Variants in CD38 observed in about 807,000 individuals in gnomAD.
The protein encoded by CD38 is ADP-ribosyl cyclase/cyclic ADP-ribose hydrolase 1.
CD38 carries 31 observed loss-of-function variants against 36.3 expected under a neutral mutation model. The ratio of observed to expected loss-of-function variants is 0.85; its 90% CI spans 0.64 to 1.15. The LOEUF is 1.15. Among genes scored for constraint, CD38 ranks in the 50% most tolerant of loss-of-function variants. The pLI, the probability that CD38 is intolerant of heterozygous loss-of-function variation, is 0.00. For missense variants in CD38, 380 were observed against 371.9 expected (o/e 1.02, Z -0.18); for synonymous variants, 131 against 135.2 (o/e 0.97, Z 0.22).
chr4:15,797,900 T>G (rs778790778), intron 1 of CD38, among the ~76,000 whole-genome samples: 4 of 152,172 alleles, frequency 2.6e-5, no homozygotes, highest in Non-Finnish European at 4.4e-5. Flanking sequence ...TGTAAAACCT[T>G]ATTTCCAAAT....
At chr4:15,794,663 A>C (rs1424351368) in intron 1 of CD38, among the ~76,000 whole-genome samples, 3 of 152,140 alleles carry the variant, frequency 2.0e-5, no homozygotes, top group East Asian at 1.9e-4. Flanking sequence ...GAGGAATTAG[A>C]GATTGTTGTG....
intron 2 of CD38, among the ~76,000 whole-genome samples, chr4:15,824,549 C>T (rs77915887): frequency 6.6e-6 from 1 of 151,874 alleles, no homozygotes; most frequent in Non-Finnish European, 1.5e-5. Context: ...TGGAGATAAC[C>T]TTAGGAATAT....
chr4:15,780,530 ACACAC>A, intron 1 of CD38, among the ~76,000 whole-genome samples: 1 of 36,938 alleles, frequency 2.7e-5, no homozygotes, highest in East Asian at 4.7e-4. Context: ...ACACACACAC[ACACAC>A]ACACACACAC....
intron 2 of CD38, among the ~76,000 whole-genome samples, chr4:15,818,853 G>T (rs1723669215): frequency 1.3e-5 from 2 of 152,164 alleles, no homozygotes; most frequent in African/African-American, 4.8e-5. Context: ...CCATCCAAAG[G>T]TCAGTAGCCT....
At chr4:15,804,394 AC>A (rs1300975415) in intron 1 of CD38, among the ~76,000 whole-genome samples, 4 of 152,208 alleles carry the variant, frequency 2.6e-5, no homozygotes, top group African/African-American at 9.6e-5. Flanking sequence ...AAATAGAACT[AC>A]CATATGATCC....
At chr4:15,795,212 T>A (rs994691359) in intron 1 of CD38, among the ~76,000 whole-genome samples, 1 of 151,976 alleles carries the variant, frequency 6.6e-6, no homozygotes, top group African/African-American at 2.4e-5. Context: ...AATCAAGAAT[T>A]AGTTTCGTGT....
intron 3 of CD38, among the ~76,000 whole-genome samples, chr4:15,831,849 T>G (rs1321694628): frequency 1.3e-5 from 2 of 152,226 alleles, no homozygotes; most frequent in African/African-American, 4.8e-5. Context: ...CAAAGTTCTC[T>G]GTTATTATTG....
chr4:15,806,463 A>G (rs1172071907), intron 1 of CD38, among the ~76,000 whole-genome samples: 1 of 152,218 alleles, frequency 6.6e-6, no homozygotes, highest in Non-Finnish European at 1.5e-5. Flanking sequence ...CTTTATTTCT[A>G]AAACAGGGAA....
chr4:15,821,698 A>C (rs949240817), intron 2 of CD38, among the ~76,000 whole-genome samples: 106 of 150,160 alleles, frequency 7.1e-4, no homozygotes, highest in African/African-American at 2.3e-3. Flanking sequence ...ACCAACCAAA[A>C]AAAAAAAAAA....
chr4:15,789,901 T>G (rs1722920860), intron 1 of CD38, among the ~76,000 whole-genome samples: 1 of 152,162 alleles, frequency 6.6e-6, no homozygotes. Context: ...CTTTAAGGAA[T>G]AAATTCATTT....
chr4:15,810,481 C>T (rs1218767457), intron 1 of CD38, among the ~76,000 whole-genome samples: 1 of 152,006 alleles, frequency 6.6e-6, no homozygotes, highest in Non-Finnish European at 1.5e-5. Flanking sequence ...CAGGAAGTTC[C>T]CAAGAAGGCC....
At chr4:15,784,094 G>T (rs937052560) in intron 1 of CD38, among the ~76,000 whole-genome samples, 1 of 152,208 alleles carries the variant, frequency 6.6e-6, no homozygotes, top group African/African-American at 2.4e-5. Flanking sequence ...ATGAAAAAGA[G>T]GCCTGTACAC....
intron 1 of CD38, among the ~76,000 whole-genome samples, chr4:15,793,596 TCAAAATA>T (rs1186792234): frequency 8.5e-5 from 13 of 152,202 alleles, no homozygotes; most frequent in African/African-American, 2.2e-4. Flanking sequence ...TGATGTGTAG[TCAAAATA>T]CTATGTACCA....
chr4:15,833,802 G>T (rs1724008267), intron 3 of CD38, among the ~76,000 whole-genome samples: 1 of 152,234 alleles, frequency 6.6e-6, no homozygotes, highest in Admixed American at 6.5e-5. Context: ...AGAGTAAGTG[G>T]TGAAGACTTA....
chr4:15,803,378 TTC>T (rs1001267009), intron 1 of CD38, among the ~76,000 whole-genome samples: 9 of 152,182 alleles, frequency 5.9e-5, no homozygotes, highest in African/African-American at 2.2e-4. Context: ...TGCAAACGGT[TTC>T]TCTGACAAGG....
chr4:15,836,885 C>T (rs891388909), intron 4 of CD38, among the ~76,000 whole-genome samples: 1 of 152,150 alleles, frequency 6.6e-6, no homozygotes, highest in East Asian at 1.9e-4. Flanking sequence ...CTTCTGATTC[C>T]TCATTTGTCA....
chr4:15,835,301 G>A (rs1724042224), intron 4 of CD38, among the ~76,000 whole-genome samples: 1 of 149,846 alleles, frequency 6.7e-6, no homozygotes. Flanking sequence ...TCTGTTTCTG[G>A]CTTACTTCAC....
chr4:15,788,420 TC>T (rs1024057933), intron 1 of CD38, among the ~76,000 whole-genome samples: 3 of 152,040 alleles, frequency 2.0e-5, no homozygotes, highest in African/African-American at 7.3e-5. Context: ...CCATCATCAT[TC>T]CATGCACCTT....
intron 1 of CD38, among the ~76,000 whole-genome samples, chr4:15,813,471 C>T (rs1327253205): frequency 1.3e-5 from 2 of 152,206 alleles, no homozygotes; most frequent in South Asian, 2.1e-4. Context: ...GACACATGTG[C>T]AGAACGTGCA....
Sources: gnomAD v4.1 joint callset for allele counts (sites outside exome capture counted in the v4.1 genomes callset) on GRCh38, gnomAD v4.1.1 for gene constraint, MANE v1.5 for transcripts, NCBI Gene and HGNC (gene_info 2026-07-23, HGNC 2026-07-21) for gene names.